Variants in GNAT3 observed in about 807,000 individuals in gnomAD.
GNAT3 encodes the protein guanine nucleotide-binding protein G(t) subunit alpha-3.
Under a neutral mutation model 37.7 loss-of-function variants are expected in GNAT3, and 31 were observed. The observed-to-expected ratio is 0.82, with a 90% CI of 0.62 to 1.11. The LOEUF (loss-of-function observed/expected upper bound fraction) is 1.11. GNAT3 is among the 50% of genes most tolerant of loss of function. GNAT3 has a pLI of 0.00. For missense variants in GNAT3, 437 were observed against 412.5 expected, an observed-to-expected ratio of 1.06 and a Z score of -0.51; for synonymous variants, 138 against 139.8, an observed-to-expected ratio of 0.99 and a Z score of 0.09.
At chr7:80,489,960 G>A (rs544136384) in intron 2 of GNAT3, among the ~76,000 whole-genome samples, 39 of 152,190 alleles carry the variant, frequency 2.6e-4, no homozygotes, top group African/African-American at 8.9e-4. Flanking sequence ...AAAGAAAAAT[G>A]ATAAAAACAG....
intron 2 of GNAT3, among the ~76,000 whole-genome samples, chr7:80,493,624 T>TCCTCCTCCTCTTTCCTCC (rs1790639563): frequency 1.2e-5 from 1 of 80,656 alleles, no homozygotes; most frequent in East Asian, 4.2e-4. Flanking sequence ...CTCTTTCCTC[T>TCCTCCTCCTCTTTCCTCC]TCCTCCTCCT....
intron 4 of GNAT3, among the ~76,000 whole-genome samples, chr7:80,475,192 G>A (rs1351687406): frequency 6.6e-6 from 1 of 151,734 alleles, no homozygotes; most frequent in Non-Finnish European, 1.5e-5. Flanking sequence ...AAAATTGTTA[G>A]TATTAACAGG....
At chr7:80,460,857 A>T (rs1362950277) in intron 7 of GNAT3, among the ~76,000 whole-genome samples, 2 of 152,088 alleles carry the variant, frequency 1.3e-5, no homozygotes, top group Admixed American at 1.3e-4. Flanking sequence ...GCAGTTCTCT[A>T]ATAATAGAGA....
intron 3 of GNAT3, among the ~76,000 whole-genome samples, chr7:80,485,170 GT>G (rs35827464): frequency 0.12 from 17,812 of 146,524 alleles, 2,707 homozygotes; most frequent in African/African-American, 0.36. Flanking sequence ...AATATTGTGT[GT>G]TTTTTTTTTT....
chr7:80,470,451 C>G (rs1404990706), intron 5 of GNAT3, among the ~76,000 whole-genome samples: 1 of 152,090 alleles, frequency 6.6e-6, no homozygotes. Flanking sequence ...GAACTCCTGA[C>G]CTCAAGTAAT....
At chr7:80,506,143 A>C (rs1426565457) in intron 1 of GNAT3, among the ~76,000 whole-genome samples, 1 of 152,212 alleles carries the variant, frequency 6.6e-6, no homozygotes, top group African/African-American at 2.4e-5. Context: ...TTTAAAGATA[A>C]AATATTTGTC....
chr7:80,511,963 G>T lies in GNAT3; in HGVS notation c.-37C>A, dbSNP rs757199175. 6.8e-7 allele frequency: 1 copy of T among 1,460,690 alleles called. No homozygotes were observed. The highest frequency in any genetic ancestry group is 1.8e-5 in the Admixed American group (1 of 55,920). 90.5% of individuals were successfully genotyped at this position (1,460,690 alleles called of 1,614,324 possible). On this transcript the variant is annotated 5_prime_UTR_variant, in exon 1 of 8. In the 5' UTR this introduces an upstream ATG that the reference lacks. Transcript: ENST00000398291. ...AGATACTTGTCAGTTTATATGTTCA[G>T]ATTTTTCAAATGTTGAGCACAGCTG...
intron 2 of GNAT3, among the ~76,000 whole-genome samples, chr7:80,492,429 A>G (rs1363547561): frequency 6.6e-6 from 1 of 151,846 alleles, no homozygotes; most frequent in Non-Finnish European, 1.5e-5. Context: ...TAGTAAACAT[A>G]GCATTTTCTC....
At chr7:80,494,981 C>A (rs891158442) in intron 1 of GNAT3, among the ~76,000 whole-genome samples, 1 of 152,052 alleles carries the variant, frequency 6.6e-6, no homozygotes, top group Middle Eastern at 3.2e-3. Flanking sequence ...TGAGAACATA[C>A]GGTATTTGAC....
chr7:80,490,424 A>G (rs1000679271), intron 2 of GNAT3, among the ~76,000 whole-genome samples: 2 of 152,154 alleles, frequency 1.3e-5, no homozygotes, highest in Non-Finnish European at 2.9e-5. Flanking sequence ...AAACATTATG[A>G]TAATGCATAG....
intron 5 of GNAT3, among the ~76,000 whole-genome samples, chr7:80,468,835 T>C (rs1190764141): frequency 6.6e-6 from 1 of 152,126 alleles, no homozygotes; most frequent in East Asian, 1.9e-4. Context: ...TTCTACTAAA[T>C]GTGTGTGTGC....
intron 5 of GNAT3, among the ~76,000 whole-genome samples, chr7:80,462,895 A>T (rs1442026960): frequency 6.6e-6 from 1 of 152,198 alleles, no homozygotes; most frequent in African/African-American, 2.4e-5. Context: ...AGTTTAAAAG[A>T]GTTTAGAGTT....
At chr7:80,480,642 G>C (rs987029362) in intron 3 of GNAT3, among the ~76,000 whole-genome samples, 1 of 152,068 alleles carries the variant, frequency 6.6e-6, no homozygotes, top group Admixed American at 6.6e-5. Context: ...CTAAACAAGG[G>C]GTGGATTATT....
chr7:80,493,592 ATCCTCCTCTTTCCTCC>A (rs1469724543), intron 2 of GNAT3, among the ~76,000 whole-genome samples: 4 of 144,906 alleles, frequency 2.8e-5, no homozygotes, highest in African/African-American at 5.3e-5. Context: ...CCTCCTCTTC[ATCCTCCTCTTTCCTCC>A]TCCTCCTCTT....
At chr7:80,482,444 T>C (rs971961006) in intron 3 of GNAT3, among the ~76,000 whole-genome samples, 3 of 152,090 alleles carry the variant, frequency 2.0e-5, no homozygotes, top group Non-Finnish European at 4.4e-5. Context: ...TACTGTTTCA[T>C]TTCTTTCTGT....
At chr7:80,466,575 G>A (rs960382158) in intron 5 of GNAT3, among the ~76,000 whole-genome samples, 12 of 151,902 alleles carry the variant, frequency 7.9e-5, no homozygotes, top group African/African-American at 2.7e-4. Context: ...AAAAATAATA[G>A]TAGGAATTAA....
At chr7:80,467,864 T>C (rs2116148964) in intron 5 of GNAT3, among the ~76,000 whole-genome samples, 1 of 152,132 alleles carries the variant, frequency 6.6e-6, no homozygotes, top group East Asian at 1.9e-4. Flanking sequence ...AAATAATAAA[T>C]CTTAACTTCC....
intron 5 of GNAT3, among the ~76,000 whole-genome samples, chr7:80,467,703 C>T (rs1305676815): frequency 6.6e-6 from 1 of 151,868 alleles, no homozygotes; most frequent in Non-Finnish European, 1.5e-5. Context: ...GAAATCAAAA[C>T]AAAAAGCTTT....
Position 80,478,860 on chromosome 7 carries a change from G to A in GNAT3, c.442C>T (p.Leu148Phe), listed in dbSNP as rs1790345367. The A allele has an allele frequency of 1.2e-6, 2 of 1,613,092 alleles. No individual in the cohort carries two copies. The highest frequency in any genetic ancestry group is 2.7e-5 in the African/African-American group (2 of 74,848). Reference protein sequence around the residue: ...ACFERASEYQLNDSAAYYLND... With the variant: ...ACFERASEYQFNDSAAYYLND... ...ACTTACTAAGCTGCTGAGTCATTGA[G>A]CTGATATTCAGATGCCCTTTCAAAG... Residue 148 changes from leucine (L) to phenylalanine (F), a missense_variant, in exon 4 of 8, where the codon CTC (leucine) becomes TTC (phenylalanine). By Grantham distance (22) the Leu-to-Phe change is conservative. Transcript: ENST00000398291.
Sources: gnomAD v4.1 joint callset for allele counts (sites outside exome capture counted in the v4.1 genomes callset) on GRCh38, gnomAD v4.1.1 for gene constraint, MANE v1.5 for transcripts, NCBI Gene and HGNC (gene_info 2026-07-23, HGNC 2026-07-21) for gene names.